The following ATRNL1 variants were observed in gnomAD, a reference collection of about 807,000 sequenced individuals.
The protein encoded by ATRNL1 is attractin like 1, also known as attractin-like protein 1.
A neutral mutation model predicts 182.7 loss-of-function variants in ATRNL1; 95 were observed. The ratio of observed to expected loss-of-function variants is 0.52; its 90% CI spans 0.44 to 0.62. The LOEUF (loss-of-function observed/expected upper bound fraction) is 0.62, where lower values mean the gene tolerates loss of function less well. Among genes scored for constraint, ATRNL1 ranks in the 20% least tolerant of loss-of-function variants. ATRNL1 has a pLI of 0.00. For missense variants in ATRNL1, 1,471 were observed against 1,679.5 expected, an observed-to-expected ratio of 0.88 and a Z score of 2.17; for synonymous variants, 576 against 568.3, an observed-to-expected ratio of 1.01 and a Z score of -0.19.
Position 115,301,878 on chromosome 10 carries a change from C to T in ATRNL1, c.2653C>T (p.Pro885Ser), listed in dbSNP as rs1477132521. 2.5e-6 allele frequency: 4 copies of T among 1,607,430 alleles called. No homozygotes were observed. The highest frequency in any genetic ancestry group is 3.3e-4 in the Middle Eastern group (2 of 6,062). Residue 885 changes from proline to serine, a missense_variant, in exon 17 of 29, where the codon CCG becomes TCG. Pro to Ser is a moderately conservative substitution (Grantham distance 74). Around this residue, in one of 3 missense-constraint regions of ATRNL1, gnomAD observed 1,031 missense variants for 1,156.0 expected, o/e 0.89. Coordinates refer to ENST00000355044, the MANE Select transcript of ATRNL1 (RefSeq NM_207303.4). ...AGTTAGTCCAAATCAAAATGCGAGG[C>T]CGTGCAAAAAGCCATGCTCTCTGAG... ...PVVSPNQNAR[P>S]CKKPCSLRTS...
At chr10:115,759,938 C>T (rs1378768701) in intron 27 of ATRNL1, among the ~76,000 whole-genome samples, 1 of 149,304 alleles carries the variant, frequency 6.7e-6, no homozygotes, top group Non-Finnish European at 1.5e-5. Flanking sequence ...ATGATCTGCC[C>T]ACTTCAGCCT....
chr10:115,099,587 C>T (rs2143407150), intron 1 of ATRNL1, among the ~76,000 whole-genome samples: 1 of 152,222 alleles, frequency 6.6e-6, no homozygotes, highest in East Asian at 1.9e-4. Flanking sequence ...AATTTCACAT[C>T]CATACCAATA....
At chr10:115,585,317 T>C (rs1213810784) in intron 26 of ATRNL1, among the ~76,000 whole-genome samples, 1 of 96,770 alleles carries the variant, frequency 1.0e-5, no homozygotes, top group African/African-American at 3.5e-5. Flanking sequence ...TGACTTTCTG[T>C]CTCGTTGATC....
chr10:115,600,974 A>G (rs1592928718), intron 26 of ATRNL1, among the ~76,000 whole-genome samples: 1 of 143,804 alleles, frequency 7.0e-6, no homozygotes, highest in African/African-American at 2.6e-5. Flanking sequence ...CACATTTTCT[A>G]GAACCATTGT....
chr10:115,303,868 C>G (rs1853602625), intron 17 of ATRNL1, among the ~76,000 whole-genome samples: 1 of 152,102 alleles, frequency 6.6e-6, no homozygotes, highest in Non-Finnish European at 1.5e-5. Context: ...ATCTATTAAA[C>G]TCAGGAATAT....
At chr10:115,543,924 C>T (rs543856047) in intron 25 of ATRNL1, among the ~76,000 whole-genome samples, 2 of 151,656 alleles carry the variant, frequency 1.3e-5, no homozygotes, top group African/African-American at 4.8e-5. Context: ...CTTTTTACTC[C>T]CTATTTCCTT....
At chr10:115,922,742 A>G (rs926010498) in intron 28 of ATRNL1, among the ~76,000 whole-genome samples, 6 of 152,246 alleles carry the variant, frequency 3.9e-5, no homozygotes, top group African/African-American at 1.4e-4. Flanking sequence ...GCGTAAGAAC[A>G]TGTTTTAAAT....
intron 20 of ATRNL1, among the ~76,000 whole-genome samples, chr10:115,397,677 T>C (rs1319233802): frequency 6.6e-6 from 1 of 151,866 alleles, no homozygotes; most frequent in Non-Finnish European, 1.5e-5. Flanking sequence ...AAATCAACTT[T>C]CTGGGAAAAG....
chr10:115,307,910 T>C (rs1853814107), intron 17 of ATRNL1, among the ~76,000 whole-genome samples: 1 of 145,458 alleles, frequency 6.9e-6, no homozygotes, highest in Non-Finnish European at 1.5e-5. Context: ...CTTTTCAGGA[T>C]AAATTATATA....
At chr10:115,843,908 C>A (rs1269212321) in intron 27 of ATRNL1, among the ~76,000 whole-genome samples, 1 of 152,030 alleles carries the variant, frequency 6.6e-6, no homozygotes, top group Non-Finnish European at 1.5e-5. Flanking sequence ...GGTCCAAATT[C>A]CTGGTTATGC....
At chr10:115,317,257 T>A (rs923426012) in intron 18 of ATRNL1, among the ~76,000 whole-genome samples, 3 of 151,882 alleles carry the variant, frequency 2.0e-5, no homozygotes, top group African/African-American at 7.2e-5. Flanking sequence ...AGGTCTCTGT[T>A]CTGTTCCATT....
At chr10:115,366,196 G>A (rs1281210211) in intron 19 of ATRNL1, among the ~76,000 whole-genome samples, 2 of 152,092 alleles carry the variant, frequency 1.3e-5, no homozygotes, top group African/African-American at 2.4e-5. Context: ...ATGAATCTAG[G>A]TGCTCCTGTA....
chr10:115,545,234 CAAAAAAAAAAAAAAAA>C (rs71010026), intron 25 of ATRNL1, among the ~76,000 whole-genome samples: 1 of 94,860 alleles, frequency 1.1e-5, no homozygotes, highest in Non-Finnish European at 2.0e-5. Context: ...GACTCCGTAT[CAAAAAAAAAAAAAAAA>C]AAAAAAAGAA....
chr10:115,928,594 G>A (rs1953304533), intron 28 of ATRNL1, among the ~76,000 whole-genome samples: 2 of 151,864 alleles, frequency 1.3e-5, no homozygotes. Context: ...ATTGTCTATT[G>A]ATTAGTTAAT....
rs142370252 is a variant in ATRNL1, at chr10:115,754,489, G to C, written c.3903+27134G>C. Among the ~76,000 whole-genome samples the C allele has an allele frequency of 2.0e-5, 3 of 152,264 alleles. No individual in the cohort carries two copies. The East Asian group carries it at 5.8e-4, about 29-fold the overall frequency. ...TCAGTGATCCAATGGTTGTAGATGT[G>C]TGGTGTTATTTCTGAGGCCTCCAGT... On this transcript the variant is annotated intron_variant, in intron 27 of 28. Coordinates refer to ENST00000355044, the MANE Select transcript of ATRNL1 (RefSeq NM_207303.4).
At chr10:115,334,907 G>A (rs1322140626) in intron 19 of ATRNL1, among the ~76,000 whole-genome samples, 3 of 152,060 alleles carry the variant, frequency 2.0e-5, no homozygotes, top group Admixed American at 6.6e-5. Flanking sequence ...CTGTTCAAAT[G>A]TATGACCTTG....
At chr10:115,515,652 GCT>G (rs1407528194) in intron 24 of ATRNL1, among the ~76,000 whole-genome samples, 1 of 151,640 alleles carries the variant, frequency 6.6e-6, no homozygotes, top group African/African-American at 2.4e-5. Flanking sequence ...GATGATTTCT[GCT>G]CTGTTTTGTA....
chr10:115,725,420 C>T (rs1555059654), intron 26 of ATRNL1, among the ~76,000 whole-genome samples: 1 of 151,974 alleles, frequency 6.6e-6, no homozygotes. Flanking sequence ...TTCATTAATT[C>T]TATTTTGTAG....
At chr10:115,261,283 T>C (rs1488203409) in intron 10 of ATRNL1, among the ~76,000 whole-genome samples, 1 of 152,144 alleles carries the variant, frequency 6.6e-6, no homozygotes, top group Non-Finnish European at 1.5e-5. Flanking sequence ...TTTTTTAGAA[T>C]TGCAGATTCT....
Sources: allele counts gnomAD v4.1 joint callset (sites outside exome capture counted in the v4.1 genomes callset), GRCh38; gene constraint gnomAD v4.1.1; regional missense constraint gnomAD v4.1.1; transcripts MANE v1.5; gene names NCBI Gene and HGNC (gene_info 2026-07-23, HGNC 2026-07-21).